The following SCN2A variants were observed in gnomAD, a reference collection of about 807,000 sequenced individuals.
The protein encoded by SCN2A is sodium channel protein type 2 subunit alpha.
In SCN2A, 20 loss-of-function variants were observed where a neutral mutation model predicts 188.7. The observed-to-expected ratio is 0.11, with a 90% CI of 0.07 to 0.15. The LOEUF (loss-of-function observed/expected upper bound fraction) is 0.15. SCN2A is among the 10% of genes least tolerant of loss of function. SCN2A has a pLI of 1.00. For synonymous variants in SCN2A, 804 were observed against 833.1 expected (o/e 0.97, Z 0.60); for missense variants, 1,278 against 2,445.0 (o/e 0.52, Z 10.07).
chr2:165,314,270 A>G (rs1374507035), intron 10 of SCN2A, among the ~76,000 whole-genome samples, 162 bp downstream of exon 10: 1 of 152,266 alleles, frequency 6.6e-6, no homozygotes, highest in East Asian at 1.9e-4. Context: ...CTTTATTGCA[A>G]TGATCTCTGT....
chr2:165,325,662 C>A (rs1698317401), intron 12 of SCN2A, among the ~76,000 whole-genome samples: 1 of 151,850 alleles, frequency 6.6e-6, no homozygotes, highest in Non-Finnish European at 1.5e-5. Flanking sequence ...CTCTTTCTGA[C>A]AAGCTGAAAT....
intron 15 of SCN2A, among the ~76,000 whole-genome samples, chr2:165,343,579 G>A (rs748288912): frequency 1.1e-4 from 16 of 152,130 alleles, no homozygotes; most frequent in Non-Finnish European, 4.4e-5. Flanking sequence ...ATACTTTGGT[G>A]CATGTATTTA....
intron 1 of SCN2A, among the ~76,000 whole-genome samples, chr2:165,258,683 T>TA (rs1341174703): frequency 6.6e-6 from 1 of 152,166 alleles, no homozygotes; most frequent in Non-Finnish European, 1.5e-5. Context: ...GGCATCAACC[T>TA]AAATACTCAT....
At chr2:165,295,743 A>G in intron 1 of SCN2A, 30 bp from the exon 2 acceptor site, 1 of 1,604,966 alleles carries the variant, frequency 6.2e-7, no homozygotes, top group Admixed American at 1.7e-5. Flanking sequence ...TCTAATGGTC[A>G]TTGCTTTTTT....
At chr2:165,362,637 A>G (rs1700520365) in intron 17 of SCN2A, among the ~76,000 whole-genome samples, 1 of 152,084 alleles carries the variant, frequency 6.6e-6, no homozygotes, top group Non-Finnish European at 1.5e-5. Context: ...ATATTGGTGT[A>G]TTATCCATAT....
At chr2:165,291,489 T>C (rs1454974057) in intron 1 of SCN2A, among the ~76,000 whole-genome samples, 3 of 57,190 alleles carry the variant, frequency 5.2e-5, no homozygotes, top group Admixed American at 1.9e-4. Context: ...TTTCTTTCTT[T>C]CTTTTCTTTC....
intron 1 of SCN2A, chr2:165,239,866 TG>T: frequency 6.5e-6 from 1 of 152,830 alleles, no homozygotes; most frequent in Non-Finnish European, 1.5e-5. Context: ...TGTTGGTCTC[TG>T]TCTCTGGCTG....
At chr2:165,341,948 G>A (rs1480534311) in intron 14 of SCN2A, among the ~76,000 whole-genome samples, 1 of 152,092 alleles carries the variant, frequency 6.6e-6, no homozygotes, top group Non-Finnish European at 1.5e-5. Context: ...GCTTGGTGAT[G>A]GAAGCCCGCA....
At chr2:165,369,506 G>A (rs1700910336) in intron 19 of SCN2A, among the ~76,000 whole-genome samples, 1 of 152,120 alleles carries the variant, frequency 6.6e-6, no homozygotes, top group Non-Finnish European at 1.5e-5. Flanking sequence ...CAGGCTGCCA[G>A]GTTTTCCTGA....
intron 25 of SCN2A, among the ~76,000 whole-genome samples, chr2:165,385,366 G>A (rs1222368127): frequency 6.6e-6 from 1 of 152,128 alleles, no homozygotes; most frequent in East Asian, 1.9e-4. Flanking sequence ...GTGCAAAATG[G>A]AACAATACAG....
At chr2:165,354,769 A>G in intron 17 of SCN2A, 98 bp downstream of exon 17, 1 of 1,167,028 alleles carries the variant, frequency 8.6e-7, no homozygotes, top group Non-Finnish European at 1.2e-6. Flanking sequence ...TCCTGTTAAG[A>G]AAATAGAAAA....
rs137992298 is a variant in SCN2A at position 165,346,400 on chromosome 2, C to T, written c.2919+1489C>T. On this transcript the variant is annotated intron_variant, in intron 16 of 26. Coordinates refer to ENST00000375437, the MANE Select transcript of SCN2A (RefSeq NM_001040142.2). ...TCCCATGTTTCTTGGAGACTTTGTT[C>T]GTTCCTTTTCATTCTTTTTTCTCTA... Among the ~76,000 whole-genome samples, 1,148 of 152,244 alleles carry T rather than the reference C, an allele frequency of 7.5e-3. 21 individuals carry two copies. Among genetic ancestry groups the T allele is most frequent in the African/African-American group, 0.026 (1,087 of 41,554 alleles).
At position 165,330,006 on chromosome 2, in the gene SCN2A, A is replaced by T. The variant is rs547934518; in HGVS notation, c.2150-1324A>T. 3.3e-5 allele frequency among the ~76,000 whole-genome samples: 5 copies of T among 152,342 alleles called. No homozygotes were observed. In the South Asian group the frequency reaches 1.0e-3, roughly 32 times the overall value. ...GCAATAAATTAATTTACTTAGGAAA[A>T]TAGTATTATAGAATTAATTAGTGGC... On this transcript the variant is annotated intron_variant, in intron 13 of 26. Transcript: ENST00000375437.
intron 20 of SCN2A, chr2:165,372,995 C>A (rs769541875): frequency 4.6e-6 from 2 of 430,916 alleles, no homozygotes; most frequent in Non-Finnish European, 8.5e-6. Context: ...TAAGTGTTCG[C>A]AGACTAGTAT....
Position 165,370,152 on chromosome 2 carries a change from G to A in SCN2A, c.3702G>A (p.Gln1234=), listed in dbSNP as rs1198199936. Residue 1234 remains glutamine (Q), a synonymous_variant, in exon 20 of 27, where the codon CAG becomes CAA. Transcript: ENST00000375437. The part of the protein sequence containing the change: ...ALAFEDIYIE[Q]RKTIKTMLEY... The stretch of plus-strand genomic sequence containing the variant: ...CCTTTGAAGATATATACATTGAGCA[G>A]CGAAAAACCATTAAGACCATGTTAG... The A allele has an allele frequency of 1.9e-6, 3 of 1,614,008 alleles. No individual in the cohort carries two copies. The highest frequency in any genetic ancestry group is 2.5e-6 in the Non-Finnish European group (3 of 1,179,970).
chr2:165,303,256 T>C (rs1459196772), intron 3 of SCN2A, among the ~76,000 whole-genome samples: 2 of 147,712 alleles, frequency 1.4e-5, no homozygotes, highest in African/African-American at 5.0e-5. Context: ...TGTATTTGAG[T>C]TTTTGTTATT....
chr2:165,365,327 A>C, intron 18 of SCN2A, 64 bp downstream of exon 18: 1 of 1,579,032 alleles, frequency 6.3e-7, no homozygotes, highest in Admixed American at 1.7e-5. Flanking sequence ...TTTCCTATTT[A>C]TTTAAATGTC....
intron 16 of SCN2A, 42 bp downstream of exon 16, chr2:165,344,953 A>G (rs764951396): frequency 6.2e-7 from 1 of 1,611,230 alleles, no homozygotes; most frequent in African/African-American, 1.3e-5. Flanking sequence ...TTAAAAGATA[A>G]TGTAATCATT....
rs796595702 is a variant in SCN2A at position 165,350,460 on chromosome 2, C to CT, written c.2920-3729dup. ...CTGAGTGAGCTTGCTGAACTGTTTTCTTTCTTTTTTTTTTTTTTTTTTTTT... is the reference window on the plus strand; with the variant it reads ...CTGAGTGAGCTTGCTGAACTGTTTTCTTTTCTTTTTTTTTTTTTTTTTTTTT... On this transcript the variant is annotated intron_variant, in intron 16 of 26. Transcript: ENST00000375437. Among the ~76,000 whole-genome samples the CT allele has an allele frequency of 3.4e-3, 265 of 77,892 alleles. 5 individuals are homozygous for CT. Among genetic ancestry groups the CT allele is most frequent in the East Asian group, 7.6e-3 (17 of 2,230 alleles). The allele number at this position is 77,892 out of a possible 152,430, so 51.1% of individuals were successfully genotyped here. A position where few individuals can be genotyped will look rare whatever the true frequency, so the allele number is the denominator to read the frequency against.
Sources: allele counts gnomAD v4.1 joint callset (sites outside exome capture counted in the v4.1 genomes callset), GRCh38; gene constraint gnomAD v4.1.1; transcripts MANE v1.5; gene names NCBI Gene and HGNC (gene_info 2026-07-23, HGNC 2026-07-21).